Variants in ARAP3 observed in about 807,000 individuals in gnomAD.
The protein encoded by ARAP3 is arf-GAP with Rho-GAP domain, ANK repeat and PH domain-containing protein 3.
Under a neutral mutation model 169.2 loss-of-function variants are expected in ARAP3, and 82 were observed. That is an observed-to-expected ratio of 0.48 (90% confidence interval 0.41 to 0.58). The LOEUF is 0.58. Ranked by LOEUF, ARAP3 falls within the 20% of genes least tolerant of loss-of-function variation. ARAP3 has a pLI of 0.00. For synonymous variants in ARAP3, 791 were observed against 800.3 expected, an observed-to-expected ratio of 0.99 and a Z score of 0.20; for missense variants, 1,764 against 2,018.0, an observed-to-expected ratio of 0.87 and a Z score of 2.41.
intron 1 of ARAP3, among the ~76,000 whole-genome samples, chr5:141,681,784 C>T (rs2099913017): frequency 6.6e-6 from 1 of 152,216 alleles, no homozygotes; most frequent in African/African-American, 2.4e-5. Flanking sequence ...CCCTCTCCGT[C>T]CCAGCATCAC....
Position 141,656,728 on chromosome 5 carries a change from G to A in ARAP3, c.3645C>T (p.Cys1215=). The A allele has an allele frequency of 6.2e-7, 1 of 1,612,318 alleles. No homozygotes were observed. The highest frequency in any genetic ancestry group is 8.5e-7 in the Non-Finnish European group (1 of 1,179,306). Residue 1215 remains cysteine (C), a synonymous_variant, in exon 26 of 33, where the codon TGC becomes TGT. Transcript: ENST00000239440. The part of the protein sequence containing the change: ...LKKVPLAQAG[C]LFTGIRRESP... ...AGGAAGGAGGCTCACCTGTGAAGAG[G>A]CAGCCAGCTTGGGCCAGGGGGACTT...
chr5:141,661,720 C>A lies in ARAP3; in HGVS notation c.3083G>T (p.Arg1028Leu), dbSNP rs1216727289. ...CCCAATGAGGGTGGCCAGTGTGCGG[C>A]GGTTGACCCGCGGCAGGCAGCCAAT... ...DVIGCLPRVN[R>L]RTLATLIGHL... Residue 1028 changes from arginine (R) to leucine (L), a missense_variant, in exon 21 of 33, where the codon CGC becomes CTC. Arg to Leu is a moderately radical substitution (Grantham distance 102). Coordinates refer to ENST00000239440, the MANE Select transcript of ARAP3 (RefSeq NM_022481.6). The A allele has an allele frequency of 6.2e-7, 1 of 1,614,222 alleles. No homozygotes were observed. Among genetic ancestry groups the A allele is most frequent in the Admixed American group, 1.7e-5 (1 of 60,028 alleles).
In ARAP3 at chr5:141,655,610, G is replaced by C. The variant is rs763746634; in HGVS notation, c.4110+11C>G. 6.2e-7 allele frequency: 1 copy of C among 1,613,996 alleles called. No individual in the cohort carries two copies. The highest frequency in any genetic ancestry group is 8.5e-7 in the Non-Finnish European group (1 of 1,180,006). ...ACAGGAATCGGGTTGGGGCAGGGTGGGGTGCCTTACCAGGGTCTGATTGGC... is the reference window on the plus strand; with the variant it reads ...ACAGGAATCGGGTTGGGGCAGGGTGCGGTGCCTTACCAGGGTCTGATTGGC... On this transcript the variant is annotated intron_variant, in intron 31 of 32. Transcript: ENST00000239440.
intron 25 of ARAP3, among the ~76,000 whole-genome samples, chr5:141,657,087 A>G (rs2154598703): frequency 6.6e-6 from 1 of 152,324 alleles, no homozygotes; most frequent in South Asian, 2.1e-4. Context: ...CAGACAAATA[A>G]TTGCTTTGCA....
At position 141,658,644 on chromosome 5, in the gene ARAP3, C is replaced by G. The variant is rs769331010; in HGVS notation, c.3346G>C (p.Ala1116Pro). The change falls in exon 24 of 33, where the codon GCT (alanine) becomes CCT (proline). Residue 1116 changes from alanine (A) to proline (P), a missense_variant. This residue lies in a region of ARAP3 where 1,112 missense variants were observed against 1,285.7 expected (regional missense o/e 0.86). Coordinates refer to ENST00000239440, the MANE Select transcript of ARAP3 (RefSeq NM_022481.6). ...TAAACTTCCATGATGAGGTCTCCAG[C>G]CTGAGACAGCTGAGGGGAGGGGTAA... ...TTWKDVQLSQ[A>P]GDLIMEVYIE... 1 of 1,591,108 alleles carries G rather than the reference C, an allele frequency of 6.3e-7. No individual in the cohort carries two copies. Among genetic ancestry groups the G allele is most frequent in the Non-Finnish European group, 8.5e-7 (1 of 1,173,494 alleles).
intron 21 of ARAP3, among the ~76,000 whole-genome samples, chr5:141,661,456 G>A (rs544089023): frequency 1.1e-4 from 16 of 152,316 alleles, no homozygotes; most frequent in Admixed American, 1.0e-3. Context: ...GAGGCCCAGA[G>A]AGAACAAGTA....
intron 4 of ARAP3, among the ~76,000 whole-genome samples, chr5:141,674,518 G>A (rs445123): frequency 0.15 from 22,939 of 152,162 alleles, 2,123 homozygotes; most frequent in East Asian, 0.28. Flanking sequence ...TCGGCCTCCC[G>A]AATTGCTGGG....
rs2099911685 is a variant in ARAP3 at position 141,673,258 on chromosome 5, G to A, written c.973-125C>T. ...CACAAGCAGTGGGTACAGCTGCTAA[G>A]CCAGCTACTTTAAATGCTGACATCA... On this transcript the variant is annotated intron_variant, in intron 6 of 32. Transcript: ENST00000239440. 20 of 1,558,476 alleles carry A rather than the reference G, an allele frequency of 1.3e-5. 1 individual carries two copies. The highest frequency in any genetic ancestry group is 1.7e-5 in the Non-Finnish European group (19 of 1,142,970).
At position 141,662,171 on chromosome 5, in the gene ARAP3, C is replaced by T. The variant is rs149792640; in HGVS notation, c.2885G>A (p.Arg962Gln). The T allele has an allele frequency of 4.3e-6, 7 of 1,614,084 alleles. No homozygotes were observed. Among genetic ancestry groups the T allele is most frequent in the African/African-American group, 2.7e-5 (2 of 74,918 alleles). ...RLLAEFRRDA[R>Q]SVKLRPGEHF... ...CTCCCCTGGTCGGAGCTTCACCGACCGGGCATCCCGACGGAACTCAGCCAG... is the reference window on the plus strand; with the variant it reads ...CTCCCCTGGTCGGAGCTTCACCGACTGGGCATCCCGACGGAACTCAGCCAG... The change falls in exon 20 of 33, where the codon CGG (arginine) becomes CAG (glutamine). Residue 962 changes from arginine to glutamine, a missense_variant. Coordinates refer to ENST00000239440, the MANE Select transcript of ARAP3 (RefSeq NM_022481.6).
At chr5:141,655,816 C>T (rs143373017) in intron 30 of ARAP3, 53 bp downstream of exon 30, 4 of 1,614,126 alleles carry the variant, frequency 2.5e-6, no homozygotes, top group Non-Finnish European at 3.4e-6. Flanking sequence ...AGGAGGACAG[C>T]TGGGCCCCAG....
intron 16 of ARAP3, 128 bp downstream of exon 16, chr5:141,669,581 A>G: frequency 1.2e-6 from 1 of 858,534 alleles, no homozygotes; most frequent in South Asian, 1.6e-5. Flanking sequence ...GGCCTGGCAC[A>G]GAATATGTGC....
intron 16 of ARAP3, among the ~76,000 whole-genome samples, chr5:141,669,247 T>C (rs1484748011): frequency 6.6e-6 from 1 of 152,182 alleles, no homozygotes; most frequent in Non-Finnish European, 1.5e-5. Flanking sequence ...AGAGAGATAC[T>C]GGCTTATCTA....
Position 141,662,053 on chromosome 5 carries a change from C to T in ARAP3, c.3003G>A (p.Arg1001=). The change falls in exon 20 of 33, where the codon AGG becomes AGA. Residue 1001 remains arginine (R), a synonymous_variant. Coordinates refer to ENST00000239440, the MANE Select transcript of ARAP3 (RefSeq NM_022481.6). ...GGATCTTAGGAATACCAGCAGCCTC[C>T]CTCCAGCGAGGCAGCAACCGTGCAG... The part of the protein sequence containing the change: ...VTSARLLPRW[R]EAAELPQKNQ... 1.2e-6 allele frequency: 2 copies of T among 1,614,128 alleles called. No homozygotes were observed. The highest frequency in any genetic ancestry group is 1.6e-4 in the Middle Eastern group (1 of 6,062).
Position 141,659,843 on chromosome 5 carries a change from C to T in ARAP3, c.3203G>A (p.Gly1068Glu). The T allele has an allele frequency of 3.7e-6, 6 of 1,608,498 alleles. No homozygotes were observed. The highest frequency in any genetic ancestry group is 5.1e-6 in the Non-Finnish European group (6 of 1,178,036). Reference protein sequence around the residue: ...LFAPSVFQTDGRGEHEVRVLQ... With the variant: ...LFAPSVFQTDERGEHEVRVLQ... ...CACTCGCACCTCGTGCTCCCCTCGCCCATCCGTCTGGAACACGCTGGGTGC... is the reference window on the plus strand; with the variant it reads ...CACTCGCACCTCGTGCTCCCCTCGCTCATCCGTCTGGAACACGCTGGGTGC... The change falls in exon 22 of 33, where the codon GGG (glycine) becomes GAG (glutamate). Residue 1068 changes from glycine (G) to glutamate (E), a missense_variant. Gly to Glu is a moderately conservative substitution (Grantham distance 98, BLOSUM62 -2). Coordinates refer to ENST00000239440, the MANE Select transcript of ARAP3 (RefSeq NM_022481.6).
intron 1 of ARAP3, 178 bp from the exon 2 acceptor site, chr5:141,680,681 GGGAA>G: frequency 1.0e-6 from 1 of 993,090 alleles, no homozygotes; most frequent in Non-Finnish European, 1.4e-6. Context: ...TCTCTACTTA[GGGAA>G]GGGACTTCAT....
chr5:141,673,930 ATTTTCTTTTCT>A (rs1484015137), intron 4 of ARAP3, 122 bp from the exon 5 acceptor site: 218 of 508,212 alleles, frequency 4.3e-4, no homozygotes, highest in Non-Finnish European at 6.1e-4. Context: ...ACTGGATCTG[ATTTTCTTTTCT>A]TTTTCTTTTC....
At chr5:141,656,695 C>G (rs765600485) in intron 26 of ARAP3, 23 bp downstream of exon 26, 2 of 1,612,748 alleles carry the variant, frequency 1.2e-6, no homozygotes, top group East Asian at 4.5e-5. Context: ...CTGGGGGATG[C>G]TGGGCAGAGG....
At chr5:141,668,437 T>C (rs2099910975) in intron 16 of ARAP3, among the ~76,000 whole-genome samples, 1 of 152,216 alleles carries the variant, frequency 6.6e-6, no homozygotes, top group African/African-American at 2.4e-5. Context: ...AAAATTACTA[T>C]GTCAAATTGC....
At chr5:141,664,890 C>A in intron 19 of ARAP3, 32 bp downstream of exon 19, 1 of 609,156 alleles carries the variant, frequency 1.6e-6, no homozygotes, top group Non-Finnish European at 2.8e-6. Context: ...CCCCCACCCC[C>A]ATTGGCTCAG....
Sources: gnomAD v4.1 joint callset for allele counts (sites outside exome capture counted in the v4.1 genomes callset) on GRCh38, gnomAD v4.1.1 for gene constraint, gnomAD v4.1.1 regional missense constraint, MANE v1.5 for transcripts, NCBI Gene and HGNC (gene_info 2026-07-23, HGNC 2026-07-21) for gene names.